PHKA2: variants seen among roughly 807,000 people sequenced by gnomAD.
PHKA2 encodes the protein phosphorylase kinase regulatory subunit alpha 2, also known as phosphorylase b kinase regulatory subunit alpha, liver isoform.
PHKA2 carries 31 observed loss-of-function variants against 102.0 expected under a neutral mutation model. The observed-to-expected ratio is 0.30, with a 90% CI of 0.23 to 0.41. PHKA2 has a LOEUF of 0.41. Ranked by LOEUF, PHKA2 falls within the 10% of genes least tolerant of loss-of-function variation. The pLI is 1.00. For missense variants in PHKA2, 858 were observed against 1,023.1 expected (o/e 0.84, Z 2.20); for synonymous variants, 455 against 416.2 (o/e 1.09, Z -1.13).
At chrX:18,949,067 T>C (rs1248863584) in intron 4 of PHKA2, among the ~76,000 whole-genome samples, 1 of 111,610 alleles carries the variant, frequency 9.0e-6, no homozygotes, top group Non-Finnish European at 1.9e-5. Context: ...CTTTCCTGTG[T>C]GTGCCTATGA....
rs746817651 is a variant in PHKA2, at chrX:18,954,290, G to A, written c.201C>T (p.Arg67=). Reference sequence around the variant, plus strand: ...CGTAGGCCTTGGCCTTGTCCTCATCGCGGTCTGCATTCTTACGGTAGGCCA... The same window carrying A: ...CGTAGGCCTTGGCCTTGTCCTCATCACGGTCTGCATTCTTACGGTAGGCCA... ...LGMAYRKNAD[R]DEDKAKAYEL... is the part of the protein sequence containing the mutation. The change falls in exon 2 of 33, where the codon CGC becomes CGT. Residue 67 remains arginine (R), a synonymous_variant. Transcript: ENST00000379942. The A allele has an allele frequency of 5.0e-6, 6 of 1,210,222 alleles. No homozygotes were observed. The highest frequency in any genetic ancestry group is 2.3e-4 in the Middle Eastern group (1 of 4,375).
At chrX:18,906,655 C>T in intron 24 of PHKA2, 31 bp from the exon 25 acceptor site, 1 of 1,196,191 alleles carries the variant, frequency 8.4e-7, no homozygotes, top group Non-Finnish European at 1.1e-6. Flanking sequence ...GATAGGGTTT[C>T]AGAGACAGGG....
intron 19 of PHKA2, among the ~76,000 whole-genome samples, chrX:18,915,713 C>T (rs1329167014): frequency 9.1e-6 from 1 of 110,351 alleles, no homozygotes; most frequent in East Asian, 2.9e-4. Context: ...CAAAAACAGA[C>T]ACAATTTGGG....
At chrX:18,976,344 A>C (rs1445344188) in intron 1 of PHKA2, among the ~76,000 whole-genome samples, 2 of 112,109 alleles carry the variant, frequency 1.8e-5, no homozygotes, top group African/African-American at 6.5e-5. Flanking sequence ...TCTCTGTAAA[A>C]GCATCTTGGA....
chrX:18,927,621 T>C (rs976605488), intron 13 of PHKA2, among the ~76,000 whole-genome samples: 4 of 112,006 alleles, frequency 3.6e-5, no homozygotes, highest in Admixed American at 9.5e-5. Context: ...CAGCACTTGA[T>C]GCCTTTTCAA....
intron 5 of PHKA2, among the ~76,000 whole-genome samples, chrX:18,948,161 AAAAAT>A (rs1245758989): frequency 8.9e-6 from 1 of 112,397 alleles, no homozygotes; most frequent in Non-Finnish European, 1.9e-5. Flanking sequence ...TAAAAAAATT[AAAAAT>A]AAAATAAAAT....
chrX:18,927,250 G>A (rs972225056), intron 13 of PHKA2, among the ~76,000 whole-genome samples: 5 of 112,257 alleles, frequency 4.5e-5, no homozygotes, highest in Admixed American at 3.7e-4. Context: ...CAGCAGGCGG[G>A]GAGCTGATTG....
At chrX:18,923,771 C>T (rs1180794662) in intron 17 of PHKA2, among the ~76,000 whole-genome samples, 1 of 112,148 alleles carries the variant, frequency 8.9e-6, no homozygotes, top group African/African-American at 3.2e-5. Flanking sequence ...TCCATACATG[C>T]GTTCCAAGAA....
chrX:18,936,053 A>G lies in PHKA2; in HGVS notation c.1137+2T>C, dbSNP rs2147946477. 2 of 1,186,063 alleles carry G rather than the reference A, an allele frequency of 1.7e-6. No homozygotes were observed. Among genetic ancestry groups the G allele is most frequent in the Admixed American group, 2.2e-5 (1 of 45,977 alleles). On this transcript the variant is annotated splice_donor_variant, in intron 11 of 32. Coordinates refer to ENST00000379942, the MANE Select transcript of PHKA2 (RefSeq NM_000292.3). LOFTEE classifies it high-confidence loss of function. ...GCAAAGGGCCCTCTGCCACTGGGTTACCTTGTTAGGCGGGACAGCGTAGAG... is the reference window on the plus strand; with the variant it reads ...GCAAAGGGCCCTCTGCCACTGGGTTGCCTTGTTAGGCGGGACAGCGTAGAG...
chrX:18,931,493 G>A (rs2048314169), intron 12 of PHKA2, 148 bp downstream of exon 12: 1 of 540,867 alleles, frequency 1.8e-6, no homozygotes, highest in Non-Finnish European at 3.3e-6. Context: ...GTCAAGCCCC[G>A]GAGCCAACAC....
At chrX:18,981,697 C>T (rs918823909) in intron 1 of PHKA2, among the ~76,000 whole-genome samples, 1 of 111,042 alleles carries the variant, frequency 9.0e-6, no homozygotes, top group East Asian at 2.8e-4. Flanking sequence ...CAGGAAAGGG[C>T]GCACCATGAG....
chrX:18,925,926 C>A, intron 14 of PHKA2, 149 bp from the exon 15 acceptor site: 1 of 476,746 alleles, frequency 2.1e-6, no homozygotes. Context: ...TTTAAAATGG[C>A]ACGAAGCTGA....
At chrX:18,976,255 G>A (rs957289883) in intron 1 of PHKA2, among the ~76,000 whole-genome samples, 2 of 111,599 alleles carry the variant, frequency 1.8e-5, no homozygotes, top group Admixed American at 1.9e-4. Flanking sequence ...GATTACAGGC[G>A]TGAGCCACTG....
intron 1 of PHKA2, 145 bp downstream of exon 1, chrX:18,983,710 G>T: frequency 1.8e-6 from 1 of 548,869 alleles, no homozygotes. Flanking sequence ...CAATGGGGTG[G>T]TAATCACTGG....
chrX:18,906,320 G>A (rs2047809965), intron 25 of PHKA2, among the ~76,000 whole-genome samples, 175 bp downstream of exon 25: 1 of 112,466 alleles, frequency 8.9e-6, no homozygotes, highest in Non-Finnish European at 1.9e-5. Context: ...TCAGCTCTAT[G>A]CCGCATGGAT....
intron 1 of PHKA2, among the ~76,000 whole-genome samples, chrX:18,957,392 G>C (rs774985485): frequency 5.4e-5 from 6 of 111,620 alleles, no homozygotes; most frequent in Non-Finnish European, 7.5e-5. Flanking sequence ...GGAGAAAAAG[G>C]CTGCCCTGTC....
chrX:18,896,165 A>C (rs989385321), intron 30 of PHKA2: 2 of 109,614 alleles, frequency 1.8e-5, no homozygotes, highest in African/African-American at 7.1e-5. Flanking sequence ...GAACTAAAAA[A>C]TAGTTCTGGG....
chrX:18,906,908 G>A lies in PHKA2; in HGVS notation c.2598-94C>T, dbSNP rs779277905. ...AACACCCTTATTTTCTGTGCTAGACGCATCCATGTGACAGAGTGTCTTTAA... is the reference window on the plus strand; with the variant it reads ...AACACCCTTATTTTCTGTGCTAGACACATCCATGTGACAGAGTGTCTTTAA... On this transcript the variant is annotated intron_variant, in intron 23 of 32. Transcript: ENST00000379942. 36 of 992,968 alleles carry A rather than the reference G, an allele frequency of 3.6e-5. No individual in the cohort carries two copies. In the South Asian group the frequency reaches 6.5e-4, roughly 18 times the overall value. The allele number at this position is 992,968 out of a possible 1,213,427, so 81.8% of individuals were successfully genotyped here. A position where few individuals can be genotyped will look rare whatever the true frequency, so the allele number is the denominator to read the frequency against.
intron 31 of PHKA2, 80 bp downstream of exon 31, chrX:18,895,058 A>C: frequency 1.1e-6 from 1 of 931,209 alleles, no homozygotes; most frequent in Non-Finnish European, 1.6e-6. Context: ...CAAAAGGAGC[A>C]CAAGAGGTCA....
Sources: gnomAD v4.1 joint callset for allele counts (sites outside exome capture counted in the v4.1 genomes callset) on GRCh38, gnomAD v4.1.1 for gene constraint, MANE v1.5 for transcripts, NCBI Gene and HGNC (gene_info 2026-07-23, HGNC 2026-07-21) for gene names.